Variants in SHTN1 observed in about 807,000 individuals in gnomAD.
SHTN1 encodes shootin 1.
A neutral mutation model predicts 83.1 loss-of-function variants in SHTN1; 42 were observed. That is an observed-to-expected ratio of 0.51 (90% CI 0.39 to 0.65). The LOEUF is 0.65. SHTN1 is among the 30% of genes least tolerant of loss of function. The pLI is 0.00. For synonymous variants in SHTN1, 224 were observed against 247.7 expected (o/e 0.90, Z 0.90); for missense variants, 622 against 737.8 (o/e 0.84, Z 1.82).
intron 2 of SHTN1, among the ~76,000 whole-genome samples, chr10:116,976,972 A>G (rs944253704): frequency 6.6e-6 from 1 of 152,224 alleles, no homozygotes; most frequent in African/African-American, 2.4e-5. Flanking sequence ...GCCATACTCT[A>G]TGCAGTGAAA....
At chr10:117,080,960 T>A (rs1354746651) in intron 1 of SHTN1, among the ~76,000 whole-genome samples, 12 of 150,580 alleles carry the variant, frequency 8.0e-5, no homozygotes, top group Admixed American at 1.3e-4. Flanking sequence ...TTTCTAGATA[T>A]ACAATCATGT....
chr10:117,065,844 GGAA>G (rs1852989395), intron 1 of SHTN1, among the ~76,000 whole-genome samples: 1 of 70,944 alleles, frequency 1.4e-5, no homozygotes, highest in African/African-American at 5.1e-5. Context: ...AAGGAAGGAA[GGAA>G]GGAAGGAAAG....
At chr10:117,096,880 G>A (rs1853509151) in intron 1 of SHTN1, among the ~76,000 whole-genome samples, 1 of 152,208 alleles carries the variant, frequency 6.6e-6, no homozygotes, top group Non-Finnish European at 1.5e-5. Context: ...GTGAAAGGCA[G>A]CCAAGCATTC....
chr10:117,029,301 T>A (rs1852372848), intron 2 of SHTN1, among the ~76,000 whole-genome samples: 1 of 152,222 alleles, frequency 6.6e-6, no homozygotes, highest in Non-Finnish European at 1.5e-5. Flanking sequence ...AACTAACTTG[T>A]TTCTGATTTT....
intron 1 of SHTN1, among the ~76,000 whole-genome samples, chr10:117,075,965 T>C (rs1853146330): frequency 6.6e-6 from 1 of 152,070 alleles, no homozygotes; most frequent in South Asian, 2.1e-4. Flanking sequence ...AGCAGACCAC[T>C]TGAGTCCAGG....
chr10:116,914,609 G>A (rs979032841), intron 13 of SHTN1, among the ~76,000 whole-genome samples: 1 of 152,136 alleles, frequency 6.6e-6, no homozygotes, highest in Admixed American at 6.6e-5. Flanking sequence ...TGAAGAAGGC[G>A]AAGGAAGAAG....
chr10:116,896,847 C>G (rs1392914393), intron 16 of SHTN1, among the ~76,000 whole-genome samples: 1 of 150,336 alleles, frequency 6.7e-6, no homozygotes, highest in East Asian at 2.0e-4. Context: ...ACTCTGTGGC[C>G]CAGGCTGGGA....
intron 1 of SHTN1, among the ~76,000 whole-genome samples, chr10:117,087,637 AC>A (rs1853369460): frequency 6.6e-6 from 1 of 152,232 alleles, no homozygotes; most frequent in Non-Finnish European, 1.5e-5. Flanking sequence ...TATTTACGTG[AC>A]ATACAGGAAA....
intron 11 of SHTN1, among the ~76,000 whole-genome samples, chr10:116,924,254 G>A (rs915745831): frequency 6.6e-6 from 1 of 152,144 alleles, no homozygotes; most frequent in Non-Finnish European, 1.5e-5. Flanking sequence ...GGCTGGGTGT[G>A]AGGAGGGTTC....
At chr10:117,060,982 C>A (rs960839302) in intron 1 of SHTN1, among the ~76,000 whole-genome samples, 1 of 152,058 alleles carries the variant, frequency 6.6e-6, no homozygotes, top group Admixed American at 6.5e-5. Flanking sequence ...ACAATTAATG[C>A]TGAACTAGTA....
At chr10:117,002,903 A>C (rs1163763328) in intron 1 of SHTN1, among the ~76,000 whole-genome samples, 2 of 152,198 alleles carry the variant, frequency 1.3e-5, no homozygotes, top group Non-Finnish European at 2.9e-5. Context: ...TATCCTCTAA[A>C]AATACCAATG....
chr10:117,121,761 G>A (rs754149070), intron 1 of SHTN1, among the ~76,000 whole-genome samples: 4 of 151,952 alleles, frequency 2.6e-5, no homozygotes, highest in Non-Finnish European at 4.4e-5. Context: ...GGCTGGGTGC[G>A]GTGGCTCACG....
intron 1 of SHTN1, among the ~76,000 whole-genome samples, chr10:117,120,780 A>G (rs1339581909): frequency 6.6e-6 from 1 of 151,534 alleles, no homozygotes; most frequent in African/African-American, 2.4e-5. Context: ...CAAATATTTC[A>G]GGTGATAGAT....
At chr10:116,943,716 T>C (rs993645408) in intron 8 of SHTN1, among the ~76,000 whole-genome samples, 26 of 152,188 alleles carry the variant, frequency 1.7e-4, no homozygotes, top group Admixed American at 5.2e-4. Context: ...AAAACCATCA[T>C]TGGATTTTCA....
At chr10:117,042,895 C>T (rs1034489967) in intron 2 of SHTN1, among the ~76,000 whole-genome samples, 4 of 152,104 alleles carry the variant, frequency 2.6e-5, no homozygotes, top group African/African-American at 7.2e-5. Flanking sequence ...GGATTACAGG[C>T]GTTTGCCATT....
At chr10:116,953,414 T>C (rs1453000483) in intron 5 of SHTN1, among the ~76,000 whole-genome samples, 1 of 152,176 alleles carries the variant, frequency 6.6e-6, no homozygotes, top group Non-Finnish European at 1.5e-5. Context: ...TGAGACACTT[T>C]CAAAAGTGCT....
chr10:116,964,907 A>G (rs1279658470), intron 3 of SHTN1, among the ~76,000 whole-genome samples: 1 of 152,114 alleles, frequency 6.6e-6, no homozygotes, highest in Non-Finnish European at 1.5e-5. Flanking sequence ...CGGAGGTTGC[A>G]GTGGGCCAAG....
At chr10:117,005,395 T>C (rs1851984055), upstream of SHTN1, 3 of 1,172,556 alleles carry the variant, frequency 2.6e-6, no homozygotes, top group Non-Finnish European at 3.2e-6. Flanking sequence ...GACGCGCTGG[T>C]GGGAGGGGGG....
At chr10:116,952,240 A>G (rs1166374495) in intron 5 of SHTN1, among the ~76,000 whole-genome samples, 5 of 152,184 alleles carry the variant, frequency 3.3e-5, no homozygotes, top group African/African-American at 1.2e-4. Context: ...CATTAAATGT[A>G]CCAGATCATG....
Sources: allele counts gnomAD v4.1 joint callset (sites outside exome capture counted in the v4.1 genomes callset), GRCh38; gene constraint gnomAD v4.1.1; transcripts MANE v1.5; gene names NCBI Gene and HGNC (gene_info 2026-07-23, HGNC 2026-07-21).